Variants in IGSF21 observed in about 807,000 individuals in gnomAD.
IGSF21 encodes immunoglobin superfamily member 21.
IGSF21 carries 28 observed loss-of-function variants against 46.8 expected under a neutral mutation model. That is an observed-to-expected ratio of 0.60 (90% confidence interval 0.44 to 0.82). The LOEUF is 0.82. Among genes scored for constraint, IGSF21 ranks in the 40% least tolerant of loss-of-function variants. The pLI is 0.00. For missense variants in IGSF21, 624 were observed against 665.5 expected, an observed-to-expected ratio of 0.94 and a Z score of 0.69; for synonymous variants, 284 against 273.6, an observed-to-expected ratio of 1.04 and a Z score of -0.38.
intron 1 of IGSF21, among the ~76,000 whole-genome samples, chr1:18,204,290 A>G (rs886215878): frequency 6.6e-6 from 1 of 152,238 alleles, no homozygotes; most frequent in Non-Finnish European, 1.5e-5. Flanking sequence ...TAAATGGCAG[A>G]GCTGGGATTT....
At chr1:18,203,219 A>T (rs2087094204) in intron 1 of IGSF21, among the ~76,000 whole-genome samples, 1 of 152,184 alleles carries the variant, frequency 6.6e-6, no homozygotes, top group Non-Finnish European at 1.5e-5. Context: ...GGCTCCAGGG[A>T]TGCTGCAACA....
chr1:18,269,657 G>A (rs527746394), intron 2 of IGSF21, among the ~76,000 whole-genome samples: 90 of 152,208 alleles, frequency 5.9e-4, no homozygotes, highest in Admixed American at 9.8e-4. Flanking sequence ...CATGTGCACC[G>A]GACCAGCAGC....
chr1:18,236,888 G>A (rs2084677989), intron 2 of IGSF21, among the ~76,000 whole-genome samples: 1 of 152,206 alleles, frequency 6.6e-6, no homozygotes, highest in African/African-American at 2.4e-5. Flanking sequence ...CCTGGGCAAG[G>A]GCAGATTCCT....
At chr1:18,263,728 C>T (rs1308109123) in intron 2 of IGSF21, among the ~76,000 whole-genome samples, 3 of 152,170 alleles carry the variant, frequency 2.0e-5, no homozygotes, top group African/African-American at 7.2e-5. Flanking sequence ...GAGTCAGACA[C>T]TCTTCCTGTA....
intron 2 of IGSF21, among the ~76,000 whole-genome samples, chr1:18,249,909 G>A (rs909276145): frequency 7.2e-5 from 11 of 152,154 alleles, no homozygotes; most frequent in African/African-American, 1.9e-4. Context: ...GGAGGCATTG[G>A]CAGGATCTGA....
At chr1:18,112,750 G>A (rs2124399153) in intron 1 of IGSF21, 1 of 152,362 alleles carries the variant, frequency 6.6e-6, no homozygotes, top group Middle Eastern at 3.4e-3. Context: ...AATCATCCAG[G>A]GTGTTCATCT....
chr1:18,250,123 C>T (rs1301486957), intron 2 of IGSF21, among the ~76,000 whole-genome samples: 1 of 139,112 alleles, frequency 7.2e-6, no homozygotes, highest in Admixed American at 7.3e-5. Context: ...CCCTCCCTCC[C>T]TCCCTCCCTC....
chr1:18,237,976 G>A (rs1417162237), intron 2 of IGSF21, among the ~76,000 whole-genome samples: 1 of 150,948 alleles, frequency 6.6e-6, no homozygotes. Flanking sequence ...GGGGCCTCAG[G>A]GTCCCTAGGA....
At chr1:18,140,362 C>T (rs2124424607) in intron 1 of IGSF21, among the ~76,000 whole-genome samples, 1 of 152,290 alleles carries the variant, frequency 6.6e-6, no homozygotes, top group Non-Finnish European at 1.5e-5. Flanking sequence ...TGCCTTCCTG[C>T]TCCCTCACTG....
intron 1 of IGSF21, among the ~76,000 whole-genome samples, chr1:18,129,447 A>G (rs2086299901): frequency 6.6e-6 from 1 of 152,142 alleles, no homozygotes; most frequent in Non-Finnish European, 1.5e-5. Flanking sequence ...CCCCATGAAT[A>G]AGGGCTCTGA....
chr1:18,230,953 C>A (rs1470011381), intron 2 of IGSF21, among the ~76,000 whole-genome samples: 3 of 151,858 alleles, frequency 2.0e-5, no homozygotes, highest in Admixed American at 2.0e-4. Context: ...AAGCAGGGAG[C>A]TGCCGAGTGC....
intron 1 of IGSF21, among the ~76,000 whole-genome samples, chr1:18,125,763 A>C (rs577716136): frequency 6.6e-6 from 1 of 152,350 alleles, no homozygotes; most frequent in East Asian, 1.9e-4. Context: ...TGAACAGATA[A>C]CGTAAGGAAG....
chr1:18,325,547 A>G (rs1437108615), intron 3 of IGSF21, among the ~76,000 whole-genome samples: 2 of 152,108 alleles, frequency 1.3e-5, no homozygotes, highest in Admixed American at 1.3e-4. Flanking sequence ...GCTGGGGGAA[A>G]AATTAGACCA....
chr1:18,292,992 C>T lies in IGSF21; in HGVS notation c.305+1005C>T, dbSNP rs114634474. On this transcript the variant is annotated intron_variant, in intron 3 of 9. Coordinates refer to ENST00000251296, the MANE Select transcript of IGSF21 (RefSeq NM_032880.5). Reference sequence around the variant, plus strand: ...AGGGGGACCGTGCTGCATCGGGTACCGTGAGGGGGACTGCAGCCCCGGCAA... The same window carrying T: ...AGGGGGACCGTGCTGCATCGGGTACTGTGAGGGGGACTGCAGCCCCGGCAA... Among the ~76,000 whole-genome samples the T allele has an allele frequency of 4.2e-3, 645 of 152,336 alleles. 10 individuals are homozygous for T. The highest frequency in any genetic ancestry group is 0.015 in the African/African-American group (607 of 41,578).
At chr1:18,134,075 T>G (rs2086346838) in intron 1 of IGSF21, among the ~76,000 whole-genome samples, 1 of 152,112 alleles carries the variant, frequency 6.6e-6, no homozygotes, top group African/African-American at 2.4e-5. Flanking sequence ...AGCTACAAAC[T>G]AGAGGAAGGT....
intron 1 of IGSF21, among the ~76,000 whole-genome samples, chr1:18,168,116 G>A (rs1039210639): frequency 2.0e-5 from 3 of 152,104 alleles, no homozygotes; most frequent in Non-Finnish European, 2.9e-5. Flanking sequence ...CCTTTGGGGT[G>A]GGGGTGGGGT....
intron 2 of IGSF21, among the ~76,000 whole-genome samples, chr1:18,291,598 C>T (rs12126228): frequency 0.27 from 41,805 of 152,110 alleles, 6,970 homozygotes; most frequent in Non-Finnish European, 0.36. Context: ...TTCCCCTGAG[C>T]GCACACTGCT....
At chr1:18,177,397 G>GTGGGGATGGGGGCAGTGAGGTA (rs1557573393) in intron 1 of IGSF21, among the ~76,000 whole-genome samples, 1 of 32,482 alleles carries the variant, frequency 3.1e-5, no homozygotes, top group African/African-American at 1.2e-4. Flanking sequence ...AGTGAGGTGT[G>GTGGGGATGGGGGCAGTGAGGTA]TGTGTGTGTG....
chr1:18,113,318 G>C, intron 1 of IGSF21: 2 of 152,244 alleles, frequency 1.3e-5, no homozygotes, highest in South Asian at 4.2e-4. Context: ...GGAGTGGAGG[G>C]GGCTCATGTT....
Sources: gnomAD v4.1 joint callset for allele counts (sites outside exome capture counted in the v4.1 genomes callset) on GRCh38, gnomAD v4.1.1 for gene constraint, MANE v1.5 for transcripts, NCBI Gene and HGNC (gene_info 2026-07-23, HGNC 2026-07-21) for gene names.